NTRK3: variants seen among roughly 807,000 people sequenced by gnomAD.
NTRK3 encodes the protein neurotrophic receptor tyrosine kinase 3.
A neutral mutation model predicts 91.7 loss-of-function variants in NTRK3; 24 were observed. That is an observed-to-expected ratio of 0.26 (90% confidence interval 0.19 to 0.37). NTRK3 has a LOEUF of 0.37. Among genes scored for constraint, NTRK3 ranks in the 10% least tolerant of loss-of-function variants. NTRK3 has a pLI of 1.00. For missense variants in NTRK3, 880 were observed against 1,068.9 expected, an observed-to-expected ratio of 0.82 and a Z score of 2.46; for synonymous variants, 483 against 404.0, an observed-to-expected ratio of 1.20 and a Z score of -2.34.
At chr15:87,947,374 C>G (rs979720160) in intron 14 of NTRK3, among the ~76,000 whole-genome samples, 4 of 152,118 alleles carry the variant, frequency 2.6e-5, no homozygotes, top group African/African-American at 9.7e-5. Flanking sequence ...CCCCTGCAAC[C>G]CCTACTTCAG....
intron 10 of NTRK3, chr15:88,132,192 C>G (rs1328474863): frequency 5.7e-6 from 1 of 176,548 alleles, no homozygotes; most frequent in African/African-American, 2.4e-5. Context: ...TCTGTTAGAA[C>G]TTACTAGGTT....
At chr15:87,862,901 A>G (rs776446671) in exon 19 of NTRK3, 7 of 230,892 alleles carry the variant, frequency 3.0e-5, no homozygotes, top group African/African-American at 1.1e-4. Context: ...TCTGTCCCCA[A>G]ACTTCATAGC....
chr15:87,994,201 G>A (rs1409783740), intron 14 of NTRK3, among the ~76,000 whole-genome samples: 1 of 152,072 alleles, frequency 6.6e-6, no homozygotes, highest in African/African-American at 2.4e-5. Flanking sequence ...CATGTGGCGG[G>A]AGCAACAGAC....
chr15:87,994,413 G>T (rs764361239), intron 14 of NTRK3, among the ~76,000 whole-genome samples: 1 of 152,070 alleles, frequency 6.6e-6, no homozygotes, highest in East Asian at 1.9e-4. Flanking sequence ...AGATACACAC[G>T]CACAGAACAC....
chr15:88,168,795 G>C (rs1356238656), intron 5 of NTRK3, among the ~76,000 whole-genome samples: 1 of 152,222 alleles, frequency 6.6e-6, no homozygotes, highest in African/African-American at 2.4e-5. Flanking sequence ...GCTCCTGAGA[G>C]GCACCAGCAC....
chr15:88,210,148 C>G (rs895262462), intron 3 of NTRK3: 1 of 152,194 alleles, frequency 6.6e-6, no homozygotes, highest in African/African-American at 2.4e-5. Flanking sequence ...TTATGAAGCA[C>G]TGCCCCAAGA....
Position 88,056,997 on chromosome 15 carries a change from C to T in NTRK3, c.1397-23952G>A, listed in dbSNP as rs548517807. Among the ~76,000 whole-genome samples the T allele has an allele frequency of 9.5e-4, 144 of 151,514 alleles. 2 individuals carry two copies. Among genetic ancestry groups the T allele is most frequent in the Admixed American group, 8.3e-3 (127 of 15,220 alleles). On this transcript the variant is annotated intron_variant, in intron 13 of 18. Coordinates refer to ENST00000394480, the Ensembl canonical transcript of NTRK3. ...CATCCTCGCTAACACGGTGAAACCC[C>T]GTCTCTACTAAAAATACAAAAATTA...
exon 9 of NTRK3, chr15:88,135,962 G>C: frequency 6.2e-7 from 1 of 1,614,264 alleles, no homozygotes; most frequent in Non-Finnish European, 8.5e-7. Context: ...ATGCACGTCA[G>C]GGTGAAGCCA....
chr15:87,948,143 C>A (rs1447528983), intron 14 of NTRK3, among the ~76,000 whole-genome samples: 1 of 152,226 alleles, frequency 6.6e-6, no homozygotes. Flanking sequence ...TGTGCCCTGG[C>A]CAGCTACAGG....
chr15:88,078,492 A>T (rs2047755997), intron 13 of NTRK3, among the ~76,000 whole-genome samples: 2 of 152,202 alleles, frequency 1.3e-5, no homozygotes, highest in Non-Finnish European at 2.9e-5. Flanking sequence ...TCTACTAAAA[A>T]TACAAAAATT....
At chr15:88,129,828 C>T (rs1383908301) in intron 10 of NTRK3, among the ~76,000 whole-genome samples, 1 of 152,074 alleles carries the variant, frequency 6.6e-6, no homozygotes, top group African/African-American at 2.4e-5. Flanking sequence ...TCCCAAAATC[C>T]ATATACAGAA....
chr15:88,197,954 T>A (rs1282333114), intron 3 of NTRK3, among the ~76,000 whole-genome samples: 1 of 152,168 alleles, frequency 6.6e-6, no homozygotes, highest in Non-Finnish European at 1.5e-5. Context: ...CTAGGTGATC[T>A]CCCATGGCCT....
chr15:87,863,987 A>ACACATACG (rs2064594160), exon 19 of NTRK3: 1 of 194,102 alleles, frequency 5.2e-6, no homozygotes, highest in Non-Finnish European at 9.6e-6. Flanking sequence ...ACACACACAC[A>ACACATACG]CACACATACA....
chr15:88,098,314 T>A (rs1190402856), intron 13 of NTRK3, among the ~76,000 whole-genome samples: 1 of 152,220 alleles, frequency 6.6e-6, no homozygotes, highest in African/African-American at 2.4e-5. Flanking sequence ...AGAGAATCTG[T>A]TGACGTAGCA....
chr15:88,096,581 C>G (rs1217225628), intron 13 of NTRK3, among the ~76,000 whole-genome samples: 1 of 152,192 alleles, frequency 6.6e-6, no homozygotes, highest in Non-Finnish European at 1.5e-5. Flanking sequence ...AGGACTTTCT[C>G]CAGCACAGTA....
intron 14 of NTRK3, among the ~76,000 whole-genome samples, chr15:88,009,215 C>A (rs1462148545): frequency 6.6e-6 from 1 of 152,140 alleles, no homozygotes; most frequent in Admixed American, 6.5e-5. Context: ...ATGATATTAG[C>A]TAACATTGAA....
Position 87,880,441 on chromosome 15 carries a change from G to A in NTRK3, c.2134-13C>T. The A allele has an allele frequency of 1.1e-5, 18 of 1,613,710 alleles. No homozygotes were observed. The highest frequency in any genetic ancestry group is 1.5e-5 in the Non-Finnish European group (18 of 1,179,826). On this transcript the variant is annotated splice_polypyrimidine_tract_variant and intron_variant, in intron 17 of 18. Transcript: ENST00000394480. ...TGTGTCCTCCCACCTAAAAGGGGTT[G>A]AGATAGAGGCACACAGAGTGACCAG... is the stretch of plus-strand genomic sequence containing the variant.
rs535331172 is a variant in NTRK3, at chr15:88,112,926, A to G, written c.1396+13345T>C. Among the ~76,000 whole-genome samples, 7 of 152,252 alleles carry G rather than the reference A, an allele frequency of 4.6e-5. No homozygotes were observed. The East Asian group carries it at 1.4e-3, about 29-fold the overall frequency. ...GAGTTACCCCAGGATCTGCACCACC[A>G]CCAAGTGCGTGGCTGTGGCTATTCC... On this transcript the variant is annotated intron_variant, in intron 13 of 18. Coordinates refer to ENST00000394480, the Ensembl canonical transcript of NTRK3.
chr15:88,145,659 G>C (rs995496025), intron 6 of NTRK3, among the ~76,000 whole-genome samples: 1 of 152,284 alleles, frequency 6.6e-6, no homozygotes, highest in Non-Finnish European at 1.5e-5. Flanking sequence ...TTTTTAGAAA[G>C]AGCACTGAAC....
Sources: gnomAD v4.1 joint callset for allele counts (sites outside exome capture counted in the v4.1 genomes callset) on GRCh38, gnomAD v4.1.1 for gene constraint, MANE v1.5 for transcripts, NCBI Gene and HGNC (gene_info 2026-07-23, HGNC 2026-07-21) for gene names.